The following COG2 variants were observed in gnomAD, a reference collection of about 807,000 sequenced individuals.
The protein encoded by COG2 is conserved oligomeric Golgi complex subunit 2.
Under a neutral mutation model 90.6 loss-of-function variants are expected in COG2, and 52 were observed. That is an observed-to-expected ratio of 0.57 (90% confidence interval 0.46 to 0.72). The LOEUF (loss-of-function observed/expected upper bound fraction) is 0.72. Ranked by LOEUF, COG2 falls within the 30% of genes least tolerant of loss-of-function variation. COG2 has a pLI of 0.00. For missense variants in COG2, 829 were observed against 891.2 expected, an observed-to-expected ratio of 0.93 and a Z score of 0.89; for synonymous variants, 337 against 320.4, an observed-to-expected ratio of 1.05 and a Z score of -0.55.
At chr1:230,673,533 C>A (rs956841404) in intron 8 of COG2, among the ~76,000 whole-genome samples, 1 of 152,196 alleles carries the variant, frequency 6.6e-6, no homozygotes, top group Non-Finnish European at 1.5e-5. Context: ...TACATTCTCT[C>A]TTTGGGGATT....
intron 9 of COG2, among the ~76,000 whole-genome samples, chr1:230,677,168 C>T (rs1012834757): frequency 1.3e-5 from 2 of 152,066 alleles, no homozygotes; most frequent in Non-Finnish European, 2.9e-5. Context: ...GCTGCATTCT[C>T]GATAATTTCA....
At position 230,678,634 on chromosome 1, in the gene COG2, C is replaced by T. The variant is rs535183260; in HGVS notation, c.1027-279C>T. The T allele has an allele frequency of 5.1e-6, 7 of 1,367,164 alleles. No individual in the cohort carries two copies. In the Admixed American group the frequency reaches 1.3e-4, roughly 26 times the overall value. The allele number at this position is 1,367,164 out of a possible 1,614,324, so 84.7% of individuals were successfully genotyped here. On this transcript the variant is annotated intron_variant, in intron 9 of 17. Coordinates refer to ENST00000366669, the MANE Select transcript of COG2 (RefSeq NM_007357.3). ...TGGGCTGGGGTAGGGGGCCCTAGAA[C>T]ATGAGCACTGCCATTTAAAGAGCAC...
chr1:230,657,450 G>A (rs1283096664), intron 1 of COG2, among the ~76,000 whole-genome samples: 1 of 152,068 alleles, frequency 6.6e-6, no homozygotes, highest in Non-Finnish European at 1.5e-5. Flanking sequence ...TATTCTGATG[G>A]GCTTCCCTTT....
intron 14 of COG2, 124 bp downstream of exon 14, chr1:230,688,267 T>G: frequency 1.6e-6 from 2 of 1,223,026 alleles, no homozygotes; most frequent in Non-Finnish European, 2.3e-6. Flanking sequence ...GTTTCTCTAT[T>G]CTGTATTATA....
At chr1:230,668,006 A>C (rs1662360653) in intron 5 of COG2, among the ~76,000 whole-genome samples, 1 of 152,210 alleles carries the variant, frequency 6.6e-6, no homozygotes, top group African/African-American at 2.4e-5. Context: ...CACAGCATGT[A>C]GGTTGACTGC....
At chr1:230,651,966 G>A (rs1485453509) in intron 1 of COG2, among the ~76,000 whole-genome samples, 1 of 152,108 alleles carries the variant, frequency 6.6e-6, no homozygotes, top group East Asian at 1.9e-4. Flanking sequence ...GTAACATCTT[G>A]AATTAGTATG....
chr1:230,684,889 A>G (rs976697922), intron 11 of COG2, among the ~76,000 whole-genome samples, 196 bp from the exon 12 acceptor site: 2 of 152,200 alleles, frequency 1.3e-5, no homozygotes, highest in Non-Finnish European at 1.5e-5. Flanking sequence ...TGTGCGTGGC[A>G]TGAAGGATGT....
intron 15 of COG2, 117 bp downstream of exon 15, chr1:230,688,679 C>T: frequency 8.6e-7 from 1 of 1,162,006 alleles, no homozygotes. Context: ...AGACTGAGCT[C>T]ATCCCATTCT....
intron 17 of COG2, among the ~76,000 whole-genome samples, chr1:230,692,944 A>C (rs1663072863): frequency 6.6e-6 from 1 of 152,132 alleles, no homozygotes; most frequent in Non-Finnish European, 1.5e-5. Flanking sequence ...AGCACAGACC[A>C]GTACTTTTTT....
intron 10 of COG2, chr1:230,680,841 A>G (rs568556696): frequency 1.3e-5 from 2 of 152,184 alleles, no homozygotes; most frequent in Non-Finnish European, 2.9e-5. Flanking sequence ...AGGATGACAA[A>G]AAGTTCCGCA....
intron 2 of COG2, among the ~76,000 whole-genome samples, chr1:230,659,850 T>C (rs1662144168): frequency 6.6e-6 from 1 of 152,232 alleles, no homozygotes; most frequent in South Asian, 2.1e-4. Flanking sequence ...AATTTGATAT[T>C]ATTAGTGAAA....
At chr1:230,665,119 C>T (rs1662289368) in intron 5 of COG2, among the ~76,000 whole-genome samples, 1 of 152,310 alleles carries the variant, frequency 6.6e-6, no homozygotes, top group East Asian at 1.9e-4. Flanking sequence ...AATTTAAAAT[C>T]AGTCAGGTAG....
At chr1:230,668,294 G>A (rs988979913) in intron 5 of COG2, among the ~76,000 whole-genome samples, 4 of 152,018 alleles carry the variant, frequency 2.6e-5, no homozygotes, top group Admixed American at 6.6e-5. Flanking sequence ...GAAATAGAAG[G>A]GAGGTTAAAG....
intron 1 of COG2, among the ~76,000 whole-genome samples, chr1:230,643,313 C>A (rs765415320): frequency 1.3e-5 from 2 of 152,226 alleles, no homozygotes; most frequent in Non-Finnish European, 2.9e-5. Context: ...GAAAACACTT[C>A]ACTGATGATA....
chr1:230,672,321 CT>C (rs1223705165), intron 8 of COG2, among the ~76,000 whole-genome samples: 1 of 152,198 alleles, frequency 6.6e-6, no homozygotes, highest in African/African-American at 2.4e-5. Context: ...GCATGAGGCC[CT>C]TTTTGTTCTT....
chr1:230,651,093 T>A (rs929382449), intron 1 of COG2, among the ~76,000 whole-genome samples: 1 of 152,156 alleles, frequency 6.6e-6, no homozygotes, highest in African/African-American at 2.4e-5. Context: ...TATTGGTGTT[T>A]ATCTCAATGA....
intron 1 of COG2, among the ~76,000 whole-genome samples, chr1:230,654,648 T>C (rs1454470873): frequency 6.6e-6 from 1 of 152,232 alleles, no homozygotes; most frequent in Non-Finnish European, 1.5e-5. Context: ...CAATGGTAGC[T>C]TGATGGCGAT....
chr1:230,691,042 A>G (rs1236188170), intron 16 of COG2, among the ~76,000 whole-genome samples: 3 of 152,196 alleles, frequency 2.0e-5, no homozygotes, highest in African/African-American at 7.2e-5. Context: ...CCCTCGATAC[A>G]TGAAAGACAA....
At position 230,690,039 on chromosome 1, in the gene COG2, A is replaced by G. The variant is rs1308216984; in HGVS notation, c.1820A>G (p.Tyr607Cys). The G allele has an allele frequency of 1.9e-6, 3 of 1,609,742 alleles. No individual in the cohort carries two copies. Among genetic ancestry groups the G allele is most frequent in the South Asian group, 2.2e-5 (2 of 90,254 alleles). The change falls in exon 16 of 18, where the codon TAT becomes TGT. Residue 607 changes from tyrosine (Y) to cysteine (C), a missense_variant. Physicochemically the swap from Tyr to Cys is radical, Grantham distance 194. Transcript: ENST00000366669. ...GAGGTCCCAACCACAGCTTCCTCCTATGTGGACAGTGCTCTGAAGCCCTTA... is the reference window on the plus strand; with the variant it reads ...GAGGTCCCAACCACAGCTTCCTCCTGTGTGGACAGTGCTCTGAAGCCCTTA... ...NKEVPTTASS[Y>C]VDSALKPLFQ...
Sources: allele counts gnomAD v4.1 joint callset (sites outside exome capture counted in the v4.1 genomes callset), GRCh38; gene constraint gnomAD v4.1.1; transcripts MANE v1.5; gene names NCBI Gene and HGNC (gene_info 2026-07-23, HGNC 2026-07-21).